VWC2: variants seen among roughly 807,000 people sequenced by gnomAD.
VWC2 encodes von Willebrand factor C domain containing 2.
VWC2 carries 14 observed loss-of-function variants against 29.8 expected under a neutral mutation model. That is an observed-to-expected ratio of 0.47 (90% CI 0.31 to 0.74). The LOEUF (loss-of-function observed/expected upper bound fraction) is 0.74. Among genes scored for constraint, VWC2 ranks in the 30% least tolerant of loss-of-function variants. The pLI, the probability that VWC2 is intolerant of heterozygous loss-of-function variation, is 0.05. For missense variants in VWC2, 457 were observed against 459.8 expected (o/e 0.99, Z 0.05); for synonymous variants, 213 against 199.0 (o/e 1.07, Z -0.59).
At chr7:49,901,954 C>T (rs918555996) in intron 3 of VWC2, among the ~76,000 whole-genome samples, 5 of 146,214 alleles carry the variant, frequency 3.4e-5, no homozygotes, top group East Asian at 1.9e-4. Context: ...GTTTTTTCAA[C>T]GAATGGTACT....
chr7:49,867,977 G>C (rs1357863687), intron 3 of VWC2, among the ~76,000 whole-genome samples: 1 of 152,076 alleles, frequency 6.6e-6, no homozygotes, highest in African/African-American at 2.4e-5. Flanking sequence ...GGGATTACAG[G>C]TGCATACCAC....
intron 3 of VWC2, among the ~76,000 whole-genome samples, chr7:49,877,334 C>T (rs960484533): frequency 6.0e-5 from 9 of 149,264 alleles, no homozygotes; most frequent in African/African-American, 1.2e-4. Flanking sequence ...TGGTGGCAGA[C>T]GCCTGTAATC....
At chr7:49,792,365 G>A (rs1475638354) in intron 2 of VWC2, among the ~76,000 whole-genome samples, 1 of 152,196 alleles carries the variant, frequency 6.6e-6, no homozygotes, top group African/African-American at 2.4e-5. Flanking sequence ...TTAATCAGGG[G>A]CAGAATTGGG....
At chr7:49,820,077 T>C (rs201653396) in intron 3 of VWC2, among the ~76,000 whole-genome samples, 6 of 2,538 alleles carry the variant, frequency 2.4e-3, no homozygotes, top group African/African-American at 4.6e-3. Flanking sequence ...CTGTCATTAC[T>C]TCATTACTTT....
intron 3 of VWC2, among the ~76,000 whole-genome samples, chr7:49,803,727 G>A (rs1788802814): frequency 6.6e-6 from 1 of 152,170 alleles, no homozygotes; most frequent in South Asian, 2.1e-4. Flanking sequence ...CATGGGTTTG[G>A]TATGTGGCAG....
chr7:49,788,180 C>G (rs1422214858), intron 2 of VWC2, among the ~76,000 whole-genome samples: 1 of 152,214 alleles, frequency 6.6e-6, no homozygotes, highest in African/African-American at 2.4e-5. Flanking sequence ...TGGTCCAGCA[C>G]TTCCTGGGTA....
chr7:49,872,769 AG>A (rs879645359), intron 3 of VWC2, among the ~76,000 whole-genome samples: 1 of 138,612 alleles, frequency 7.2e-6, no homozygotes, highest in African/African-American at 2.6e-5. Flanking sequence ...AAAAAAAATT[AG>A]TCCGGTGTGG....
chr7:49,852,365 A>G (rs553037381), intron 3 of VWC2, among the ~76,000 whole-genome samples: 31 of 152,338 alleles, frequency 2.0e-4, no homozygotes, highest in African/African-American at 7.5e-4. Flanking sequence ...CCTGGCAGGC[A>G]TGAGCTGGTG....
intron 3 of VWC2, among the ~76,000 whole-genome samples, chr7:49,885,133 A>G (rs1216530514): frequency 6.6e-6 from 1 of 152,110 alleles, no homozygotes; most frequent in Non-Finnish European, 1.5e-5. Flanking sequence ...GTATCTCTAA[A>G]GGAGAAACAG....
intron 2 of VWC2, among the ~76,000 whole-genome samples, chr7:49,789,242 TGTAG>T (rs1788401821): frequency 1.4e-5 from 2 of 144,440 alleles, no homozygotes. Context: ...TGTGAAAGAG[TGTAG>T]GTGTGGGAGT....
intron 2 of VWC2, among the ~76,000 whole-genome samples, chr7:49,801,208 G>C (rs1788729374): frequency 6.6e-6 from 1 of 152,160 alleles, no homozygotes; most frequent in South Asian, 2.1e-4. Flanking sequence ...ATAGACAAAG[G>C]GAGCATCTGT....
intron 2 of VWC2, among the ~76,000 whole-genome samples, chr7:49,796,078 C>A (rs1029061433): frequency 2.6e-5 from 4 of 152,170 alleles, no homozygotes; most frequent in African/African-American, 9.7e-5. Context: ...TATTTTGTAT[C>A]ATTGCAGAAT....
chr7:49,825,840 C>T (rs1583653523), intron 3 of VWC2, among the ~76,000 whole-genome samples: 1 of 152,216 alleles, frequency 6.6e-6, no homozygotes, highest in African/African-American at 2.4e-5. Flanking sequence ...TTTCTGGCCA[C>T]CTCCTCAGAC....
intron 3 of VWC2, among the ~76,000 whole-genome samples, chr7:49,880,138 T>C (rs983903121): frequency 6.6e-6 from 1 of 152,202 alleles, no homozygotes; most frequent in Non-Finnish European, 1.5e-5. Flanking sequence ...TTAAAAACTT[T>C]TTCTGCTTTT....
chr7:49,902,986 G>A (rs1583797495), intron 3 of VWC2, among the ~76,000 whole-genome samples: 1 of 151,542 alleles, frequency 6.6e-6, no homozygotes, highest in Non-Finnish European at 1.5e-5. Context: ...CACAGATGAA[G>A]ATATAAAATG....
intron 3 of VWC2, among the ~76,000 whole-genome samples, chr7:49,839,196 T>C (rs769619509): frequency 6.6e-6 from 1 of 152,142 alleles, no homozygotes; most frequent in Non-Finnish European, 1.5e-5. Flanking sequence ...CCCCCAGAAC[T>C]GTGAGAAATA....
intron 3 of VWC2, among the ~76,000 whole-genome samples, chr7:49,891,393 TTTTA>T (rs2128730588): frequency 1.3e-5 from 2 of 152,334 alleles, no homozygotes; most frequent in East Asian, 3.9e-4. Context: ...TAATTGGAAG[TTTTA>T]TTTGTCATCA....
chr7:49,787,581 C>A (rs1195247116), intron 2 of VWC2, among the ~76,000 whole-genome samples: 1 of 152,190 alleles, frequency 6.6e-6, no homozygotes, highest in East Asian at 1.9e-4. Context: ...AGCAGGTGGC[C>A]AGATGCTCAC....
At chr7:49,857,627 AT>A (rs1417264080) in intron 3 of VWC2, among the ~76,000 whole-genome samples, 3 of 152,298 alleles carry the variant, frequency 2.0e-5, no homozygotes, top group African/African-American at 7.2e-5. Context: ...CAAAATGGCT[AT>A]TAACAAAAAT....
Sources: allele counts gnomAD v4.1 joint callset (sites outside exome capture counted in the v4.1 genomes callset), GRCh38; gene constraint gnomAD v4.1.1; transcripts MANE v1.5; gene names NCBI Gene and HGNC (gene_info 2026-07-23, HGNC 2026-07-21).